SLC25A21: variants seen among roughly 807,000 people sequenced by gnomAD.
SLC25A21 encodes the protein solute carrier family 25 member 21.
In SLC25A21, 47 loss-of-function variants were observed where a neutral mutation model predicts 43.8. The ratio of observed to expected loss-of-function variants is 1.07; its 90% CI spans 0.85 to 1.37. The LOEUF is 1.37. Ranked by LOEUF, SLC25A21 falls within the 40% of genes most tolerant of loss-of-function variation. The pLI is 0.00. For missense variants in SLC25A21, 352 were observed against 350.2 expected (o/e 1.00, Z -0.04); for synonymous variants, 131 against 121.3 (o/e 1.08, Z -0.52).
chr14:36,727,387 G>A (rs938624434), intron 5 of SLC25A21, among the ~76,000 whole-genome samples: 11 of 152,124 alleles, frequency 7.2e-5, no homozygotes, highest in African/African-American at 2.2e-4. Flanking sequence ...TTCTTGTTGC[G>A]CATAAAAAAG....
intron 3 of SLC25A21, among the ~76,000 whole-genome samples, chr14:36,773,873 G>A (rs1051300479): frequency 5.9e-5 from 9 of 152,148 alleles, no homozygotes; most frequent in African/African-American, 1.7e-4. Context: ...ATAATGGTAG[G>A]GAAAAACGGA....
chr14:36,955,621 A>G (rs1038034266), intron 1 of SLC25A21, among the ~76,000 whole-genome samples: 2 of 152,170 alleles, frequency 1.3e-5, no homozygotes, highest in African/African-American at 2.4e-5. Flanking sequence ...GAGATGACAA[A>G]CCAAGATTAA....
intron 1 of SLC25A21, among the ~76,000 whole-genome samples, chr14:37,064,651 T>C (rs1374023137): frequency 6.6e-6 from 1 of 152,124 alleles, no homozygotes; most frequent in Non-Finnish European, 1.5e-5. Context: ...ACAGTTATTC[T>C]ATCATTTTTG....
chr14:37,057,229 C>T (rs1313106876), intron 1 of SLC25A21, among the ~76,000 whole-genome samples: 2 of 152,130 alleles, frequency 1.3e-5, no homozygotes, highest in East Asian at 1.9e-4. Context: ...GTTCCTCACC[C>T]AGCTCATTTT....
chr14:36,739,548 C>T (rs1270412375), intron 3 of SLC25A21, among the ~76,000 whole-genome samples: 1 of 151,994 alleles, frequency 6.6e-6, no homozygotes, highest in Non-Finnish European at 1.5e-5. Context: ...TGTGGTGGTG[C>T]ACGCATGTAG....
At chr14:37,161,772 A>G (rs534435271) in intron 1 of SLC25A21, among the ~76,000 whole-genome samples, 1 of 151,900 alleles carries the variant, frequency 6.6e-6, no homozygotes, top group South Asian at 2.1e-4. Context: ...CATGCTGGCT[A>G]ACATGGTGAA....
intron 3 of SLC25A21, among the ~76,000 whole-genome samples, chr14:36,796,947 T>C (rs905826897): frequency 3.9e-5 from 6 of 152,208 alleles, no homozygotes; most frequent in Admixed American, 2.6e-4. Flanking sequence ...TAGCGGCCTT[T>C]AACAAGCTGC....
At chr14:36,808,123 G>A (rs1888110203) in intron 3 of SLC25A21, among the ~76,000 whole-genome samples, 1 of 152,158 alleles carries the variant, frequency 6.6e-6, no homozygotes, top group African/African-American at 2.4e-5. Flanking sequence ...AATACTTTCT[G>A]AAGAATACCA....
chr14:37,003,971 GT>G (rs1278048715), intron 1 of SLC25A21, among the ~76,000 whole-genome samples: 1 of 151,972 alleles, frequency 6.6e-6, no homozygotes, highest in East Asian at 1.9e-4. Flanking sequence ...TCTTTGCTTG[GT>G]ATATCACTCC....
intron 3 of SLC25A21, among the ~76,000 whole-genome samples, chr14:36,768,957 A>T (rs978225133): frequency 1.6e-5 from 2 of 121,668 alleles, no homozygotes; most frequent in African/African-American, 3.4e-5. Flanking sequence ...ACAAAAACCT[A>T]TATCTATCTA....
intron 3 of SLC25A21, among the ~76,000 whole-genome samples, chr14:36,779,070 G>T (rs1379191403): frequency 1.3e-5 from 2 of 151,640 alleles, no homozygotes; most frequent in Non-Finnish European, 2.9e-5. Context: ...CATGCAGTAT[G>T]TGTCTTTCTG....
chr14:37,072,870 T>C (rs1178843614), intron 1 of SLC25A21, among the ~76,000 whole-genome samples: 1 of 152,250 alleles, frequency 6.6e-6, no homozygotes, highest in Non-Finnish European at 1.5e-5. Flanking sequence ...CAGCCACATA[T>C]ACATGTGTAG....
chr14:37,079,982 C>T (rs1318995248), intron 1 of SLC25A21, among the ~76,000 whole-genome samples: 1 of 151,974 alleles, frequency 6.6e-6, no homozygotes, highest in East Asian at 1.9e-4. Context: ...GCCCCTTCTA[C>T]CCTATGAAGA....
At chr14:36,996,486 C>T (rs940327318) in intron 1 of SLC25A21, among the ~76,000 whole-genome samples, 3 of 152,144 alleles carry the variant, frequency 2.0e-5, no homozygotes, top group African/African-American at 7.2e-5. Flanking sequence ...GCCTCAAATC[C>T]TCATCTACAA....
intron 3 of SLC25A21, among the ~76,000 whole-genome samples, chr14:36,811,288 A>G (rs1163449112): frequency 6.6e-6 from 1 of 152,230 alleles, no homozygotes; most frequent in East Asian, 1.9e-4. Flanking sequence ...TGAGTGGAAC[A>G]GAATAGGAAA....
At chr14:36,961,060 A>G (rs1017554368) in intron 1 of SLC25A21, among the ~76,000 whole-genome samples, 1 of 152,122 alleles carries the variant, frequency 6.6e-6, no homozygotes, top group Non-Finnish European at 1.5e-5. Context: ...TCAAACTTTC[A>G]TCTACAGAAT....
chr14:36,754,000 G>C (rs1885827034), intron 3 of SLC25A21, among the ~76,000 whole-genome samples: 1 of 150,856 alleles, frequency 6.6e-6, no homozygotes, highest in South Asian at 2.1e-4. Flanking sequence ...AGAGATCAAA[G>C]TGATCCTGCT....
At chr14:36,975,516 C>G (rs887621269) in intron 1 of SLC25A21, among the ~76,000 whole-genome samples, 6 of 152,178 alleles carry the variant, frequency 3.9e-5, no homozygotes, top group African/African-American at 7.2e-5. Context: ...CATATTTGCA[C>G]TGTTTGTAAA....
rs115647058 is a variant in SLC25A21 at position 36,928,784 on chromosome 14, C to T, written c.71-53780G>A. On this transcript the variant is annotated intron_variant, in intron 1 of 9. Coordinates refer to ENST00000331299, the MANE Select transcript of SLC25A21 (RefSeq NM_030631.4). Reference sequence around the variant, plus strand: ...AAAATCCTCTTCCTAAAATGTACCCCATTTTCCTGGCTAAAAAATCATTCT... The same window carrying T: ...AAAATCCTCTTCCTAAAATGTACCCTATTTTCCTGGCTAAAAAATCATTCT... Among the ~76,000 whole-genome samples, 1,097 of 152,258 alleles carry T rather than the reference C, an allele frequency of 7.2e-3. 17 individuals carry two copies. Among genetic ancestry groups the T allele is most frequent in the African/African-American group, 0.024 (1,012 of 41,566 alleles).
Sources: gnomAD v4.1 joint callset for allele counts (sites outside exome capture counted in the v4.1 genomes callset) on GRCh38, gnomAD v4.1.1 for gene constraint, MANE v1.5 for transcripts, NCBI Gene and HGNC (gene_info 2026-07-23, HGNC 2026-07-21) for gene names.